MTUS2: variants seen among roughly 807,000 people sequenced by gnomAD.
MTUS2 encodes microtubule associated scaffold protein 2.
In MTUS2, 40 loss-of-function variants were observed where a neutral mutation model predicts 114.1. That is an observed-to-expected ratio of 0.35 (90% confidence interval 0.27 to 0.46). The LOEUF (loss-of-function observed/expected upper bound fraction) is 0.46. Among genes scored for constraint, MTUS2 ranks in the 20% least tolerant of loss-of-function variants. The probability of loss-of-function intolerance (pLI) is 1.00; values close to 1 mark genes in which losing one functional copy is unlikely to be tolerated. For synonymous variants in MTUS2, 688 were observed against 672.0 expected (o/e 1.02, Z -0.37); for missense variants, 1,679 against 1,705.4 (o/e 0.98, Z 0.27).
chr13:29,389,400 T>TGG, intron 8 of MTUS2, among the ~76,000 whole-genome samples: 1 of 77,012 alleles, frequency 1.3e-5, no homozygotes, highest in Admixed American at 1.2e-4. Context: ...TGTGTGTATA[T>TGG]ATGTATACAC....
rs1362467928 is a variant in MTUS2 at position 29,447,834 on chromosome 13, A to G, written c.3184+7785A>G. 2.0e-5 allele frequency among the ~76,000 whole-genome samples: 3 copies of G among 152,094 alleles called. No homozygotes were observed. The East Asian group carries it at 5.8e-4, about 29-fold the overall frequency. ...GGAAAAGCAGAGATGCTAGAAATAT[A>G]TTTAATATTTGATTTTTTAATCACA... On this transcript the variant is annotated intron_variant, in intron 9 of 15. Coordinates refer to ENST00000612955, the MANE Select transcript of MTUS2 (RefSeq NM_001033602.4).
intron 2 of MTUS2, among the ~76,000 whole-genome samples, chr13:29,022,285 G>T (rs1160985577): frequency 2.0e-5 from 3 of 152,208 alleles, no homozygotes; most frequent in Non-Finnish European, 2.9e-5. Flanking sequence ...GAGGGCTTCA[G>T]TGAGGAGGAG....
At chr13:28,904,207 G>A (rs898784009) in intron 2 of MTUS2, among the ~76,000 whole-genome samples, 2 of 152,082 alleles carry the variant, frequency 1.3e-5, no homozygotes, top group African/African-American at 4.8e-5. Context: ...CCATTCTGTA[G>A]GTTGCCTGTT....
intron 5 of MTUS2, among the ~76,000 whole-genome samples, chr13:29,194,975 C>G (rs1041938566): frequency 1.4e-4 from 21 of 149,796 alleles, no homozygotes; most frequent in Admixed American, 4.0e-4. Flanking sequence ...AATCATCATT[C>G]TCAGTAAACT....
Position 29,100,813 on chromosome 13 carries a change from C to A in MTUS2, c.2487C>A (p.Ser829=). 4 of 1,551,620 alleles carry A rather than the reference C, an allele frequency of 2.6e-6. No homozygotes were observed. The highest frequency in any genetic ancestry group is 3.5e-6 in the Non-Finnish European group (4 of 1,146,984). ...KKASSSNAAK[S]NLPKSGLRPP... is the part of the protein sequence containing the mutation. Reference sequence around the variant, plus strand: ...CTTCCAGTTCAAATGCTGCAAAATCCAATCTCCCGAAATCTGGTCTCCGTC... The same window carrying A: ...CTTCCAGTTCAAATGCTGCAAAATCAAATCTCCCGAAATCTGGTCTCCGTC... The change falls in exon 5 of 16, where the codon TCC becomes TCA. Residue 829 remains serine (S), a synonymous_variant. Coordinates refer to ENST00000612955, the MANE Select transcript of MTUS2 (RefSeq NM_001033602.4).
chr13:29,498,586 T>C, intron 14 of MTUS2, 49 bp downstream of exon 14: 1 of 1,610,226 alleles, frequency 6.2e-7, no homozygotes, highest in African/African-American at 1.3e-5. Flanking sequence ...ACATTCCTGC[T>C]GTCATCACTG....
At chr13:29,070,994 T>G in intron 4 of MTUS2, among the ~76,000 whole-genome samples, 1 of 151,354 alleles carries the variant, frequency 6.6e-6, no homozygotes, top group African/African-American at 2.4e-5. Flanking sequence ...TTTTTTTTGG[T>G]TTTTGTTTAT....
chr13:29,342,221 A>G (rs1158870129), intron 7 of MTUS2, among the ~76,000 whole-genome samples: 3 of 151,972 alleles, frequency 2.0e-5, no homozygotes, highest in African/African-American at 7.3e-5. Flanking sequence ...AATTGCATTG[A>G]ATTTGTAGAT....
intron 2 of MTUS2, among the ~76,000 whole-genome samples, chr13:28,947,092 A>C (rs753329979): frequency 1.3e-5 from 2 of 152,128 alleles, no homozygotes; most frequent in African/African-American, 2.4e-5. Flanking sequence ...TGTGCTCTTT[A>C]TTGTGGTTGA....
At chr13:28,957,840 C>T (rs536556432) in intron 2 of MTUS2, among the ~76,000 whole-genome samples, 2 of 152,314 alleles carry the variant, frequency 1.3e-5, no homozygotes, top group East Asian at 1.9e-4. Flanking sequence ...CACAGATGTG[C>T]ATGAACCCTG....
rs148965874 is a variant in MTUS2, at chr13:28,926,361, G to A, written c.-243+86511G>A. ...ATAGCTTTTCTGGTTGTTAAATGAG[G>A]TTGACATGGATTAACAATTGGTGGT... On this transcript the variant is annotated intron_variant, in intron 2 of 15. Coordinates refer to ENST00000612955, the MANE Select transcript of MTUS2 (RefSeq NM_001033602.4). Among the ~76,000 whole-genome samples the A allele has an allele frequency of 5.2e-4, 79 of 150,666 alleles. 1 individual carries two copies. In the East Asian group the frequency reaches 0.015, roughly 29 times the overall value.
chr13:28,939,959 T>C lies in MTUS2; in HGVS notation c.-242-84498T>C, dbSNP rs374027836. Among the ~76,000 whole-genome samples the C allele has an allele frequency of 1.0e-3, 158 of 152,246 alleles. 1 individual carries two copies. The highest frequency in any genetic ancestry group is 3.6e-3 in the African/African-American group (148 of 41,542). ...AAGAGCTTGTGCAGGGGAACTCTCC[T>C]TTATAAAACCATCAGATCTCATGAG... On this transcript the variant is annotated intron_variant, in intron 2 of 15. Coordinates refer to ENST00000612955, the MANE Select transcript of MTUS2 (RefSeq NM_001033602.4).
intron 11 of MTUS2, 68 bp downstream of exon 11, chr13:29,488,073 T>A: frequency 8.3e-7 from 1 of 1,198,086 alleles, no homozygotes; most frequent in South Asian, 1.2e-5. Context: ...CTGCTGCAGA[T>A]GTGTGGAGCC....
intron 2 of MTUS2, among the ~76,000 whole-genome samples, chr13:28,997,860 C>T (rs1271960125): frequency 6.6e-6 from 1 of 152,058 alleles, no homozygotes; most frequent in Non-Finnish European, 1.5e-5. Context: ...CCAGTCTGTG[C>T]CTTTTAATTG....
chr13:29,342,401 TTTTG>T (rs1266070724), intron 7 of MTUS2, among the ~76,000 whole-genome samples: 18 of 152,084 alleles, frequency 1.2e-4, no homozygotes, highest in Admixed American at 9.8e-4. Context: ...CCAAGTGTTT[TTTTG>T]TTTGTTTTGC....
intron 4 of MTUS2, among the ~76,000 whole-genome samples, chr13:29,063,905 G>A (rs1178238113): frequency 4.6e-5 from 7 of 152,090 alleles, no homozygotes; most frequent in Admixed American, 6.5e-5. Flanking sequence ...AAATTTAAGC[G>A]GGTGCAGTGG....
At chr13:29,059,397 C>T (rs558812945) in intron 4 of MTUS2, among the ~76,000 whole-genome samples, 1 of 152,118 alleles carries the variant, frequency 6.6e-6, no homozygotes, top group Non-Finnish European at 1.5e-5. Flanking sequence ...CCACAAGGCT[C>T]CCTGATGCAG....
intron 2 of MTUS2, among the ~76,000 whole-genome samples, chr13:28,949,862 T>G (rs1882723453): frequency 6.6e-6 from 1 of 152,280 alleles, no homozygotes; most frequent in African/African-American, 2.4e-5. Context: ...GGTGAACACT[T>G]GCACTGCCTC....
rs559342360 is a variant in MTUS2, at chr13:28,990,122, A to G, written c.-242-34335A>G. Reference sequence around the variant, plus strand: ...TGAGTCACTCATTCAACATGTATCTATGAATTGCTCTGTGCCAGGCACAAG... The same window carrying G: ...TGAGTCACTCATTCAACATGTATCTGTGAATTGCTCTGTGCCAGGCACAAG... On this transcript the variant is annotated intron_variant, in intron 2 of 15. Coordinates refer to ENST00000612955, the MANE Select transcript of MTUS2 (RefSeq NM_001033602.4). Among the ~76,000 whole-genome samples the G allele has an allele frequency of 7.9e-5, 12 of 152,272 alleles. No homozygotes were observed. The South Asian group carries it at 1.2e-3, about 16-fold the overall frequency.
Sources: gnomAD v4.1 joint callset for allele counts (sites outside exome capture counted in the v4.1 genomes callset) on GRCh38, gnomAD v4.1.1 for gene constraint, MANE v1.5 for transcripts, NCBI Gene and HGNC (gene_info 2026-07-23, HGNC 2026-07-21) for gene names.